Variants in DTNBP1 observed in about 807,000 individuals in gnomAD.
DTNBP1 encodes the protein dysbindin.
A neutral mutation model predicts 42.8 loss-of-function variants in DTNBP1; 35 were observed. The ratio of observed to expected loss-of-function variants is 0.82; its 90% confidence interval spans 0.63 to 1.09. DTNBP1 has a LOEUF of 1.09. Among genes scored for constraint, DTNBP1 ranks in the 50% least tolerant of loss-of-function variants. The pLI is 0.00. For synonymous variants in DTNBP1, 171 were observed against 162.2 expected, an observed-to-expected ratio of 1.05 and a Z score of -0.41; for missense variants, 457 against 424.2, an observed-to-expected ratio of 1.08 and a Z score of -0.68.
At chr6:15,530,003 C>T (rs1408529863) in intron 8 of DTNBP1, among the ~76,000 whole-genome samples, 1 of 152,264 alleles carries the variant, frequency 6.6e-6, no homozygotes, top group Non-Finnish European at 1.5e-5. Flanking sequence ...TCCAAGTGGG[C>T]ACATATGTGC....
At position 15,522,858 on chromosome 6, in the gene DTNBP1, T is replaced by G; in HGVS notation, c.*117A>C. On this transcript the variant is annotated 3_prime_UTR_variant, in exon 10 of 10. Coordinates refer to ENST00000344537, the MANE Select transcript of DTNBP1 (RefSeq NM_032122.5). ...GCTGTTCTTTAAGTTTCTCACACAT[T>G]ATTGGCAATTATGTAAAAATCAAGA... 1.9e-6 allele frequency: 3 copies of G among 1,545,204 alleles called. No individual in the cohort carries two copies. The highest frequency in any genetic ancestry group is 1.1e-5 in the South Asian group (1 of 88,670).
rs148317767 is a variant in DTNBP1 at position 15,592,878 on chromosome 6, A to T, written c.511+181T>A. 3.3e-3 allele frequency among the ~76,000 whole-genome samples: 505 copies of T among 152,348 alleles called. 14 individuals are homozygous for T. Among genetic ancestry groups the T allele is most frequent in the Admixed American group, 0.028 (423 of 15,302 alleles). On this transcript the variant is annotated intron_variant, in intron 7 of 9. Coordinates refer to ENST00000344537, the MANE Select transcript of DTNBP1 (RefSeq NM_032122.5). ...ATTAGCAGGAACTCTCACTTGGTAC[A>T]TGTGCTAAAGAGAATATCAAAACCA...
chr6:15,530,856 G>A (rs770011421), intron 8 of DTNBP1, among the ~76,000 whole-genome samples: 1 of 152,172 alleles, frequency 6.6e-6, no homozygotes, highest in African/African-American at 2.4e-5. Context: ...ACATTGGTGC[G>A]ATGTGTCATT....
chr6:15,531,147 C>T lies in DTNBP1; in HGVS notation c.667+2093G>A, dbSNP rs556794119. On this transcript the variant is annotated intron_variant, in intron 8 of 9. Coordinates refer to ENST00000344537, the MANE Select transcript of DTNBP1 (RefSeq NM_032122.5). ...AAGGAAGAGAGCCCTCATCAGAAAC[C>T]GATCGCGCCAGCATGCTGATCTTGG... Among the ~76,000 whole-genome samples the T allele has an allele frequency of 6.4e-4, 97 of 152,276 alleles. 1 individual carries two copies. Among genetic ancestry groups the T allele is most frequent in the Non-Finnish European group, 1.2e-3 (83 of 68,024 alleles).
intron 4 of DTNBP1, among the ~76,000 whole-genome samples, chr6:15,633,804 C>A (rs1289800023): frequency 2.6e-5 from 4 of 151,734 alleles, no homozygotes; most frequent in South Asian, 2.1e-4. Flanking sequence ...TAAAAAAAAA[C>A]AAACAAAACT....
chr6:15,523,723 ACT>A (rs1334859144), intron 9 of DTNBP1: 6 of 1,286,996 alleles, frequency 4.7e-6, no homozygotes, highest in Admixed American at 2.3e-5. Flanking sequence ...TCTTCCCCTG[ACT>A]CTGGGTGAGG....
intron 5 of DTNBP1, among the ~76,000 whole-genome samples, chr6:15,616,072 T>C (rs1419620054): frequency 6.6e-6 from 1 of 152,192 alleles, no homozygotes; most frequent in Non-Finnish European, 1.5e-5. Flanking sequence ...CTGAGAAGAT[T>C]CAAGACTAAA....
intron 7 of DTNBP1, among the ~76,000 whole-genome samples, chr6:15,565,711 A>C (rs560308512): frequency 5.3e-5 from 8 of 152,376 alleles, no homozygotes; most frequent in Admixed American, 3.3e-4. Flanking sequence ...AACTAGGCAG[A>C]AAGGAATCTT....
chr6:15,524,141 C>T (rs760606455), intron 9 of DTNBP1: 1 of 1,390,058 alleles, frequency 7.2e-7, no homozygotes, highest in Admixed American at 2.1e-5. Context: ...CCCTAAATGC[C>T]TGTCGCACGA....
chr6:15,599,443 C>A (rs1174104301), intron 6 of DTNBP1, among the ~76,000 whole-genome samples: 1 of 152,158 alleles, frequency 6.6e-6, no homozygotes, highest in Non-Finnish European at 1.5e-5. Context: ...TGTGTATCAT[C>A]TTCAGCATCC....
chr6:15,622,376 AT>A (rs1759089173), intron 5 of DTNBP1, among the ~76,000 whole-genome samples: 1 of 152,212 alleles, frequency 6.6e-6, no homozygotes, highest in Non-Finnish European at 1.5e-5. Context: ...ATTGAAAAAA[AT>A]AAAGGTTCAT....
At chr6:15,537,917 A>G (rs1773336123) in intron 7 of DTNBP1, among the ~76,000 whole-genome samples, 1 of 152,232 alleles carries the variant, frequency 6.6e-6, no homozygotes, top group Non-Finnish European at 1.5e-5. Context: ...TACAGAGAAT[A>G]CAAAAAATGA....
At chr6:15,662,793 C>T in intron 1 of DTNBP1, 21 bp downstream of exon 1, 2 of 1,612,164 alleles carry the variant, frequency 1.2e-6, no homozygotes, top group Middle Eastern at 1.7e-4. Context: ...GGTCCCTTTT[C>T]GTCGCCCACC....
rs542016200 is a variant in DTNBP1 at position 15,649,338 on chromosome 6, G to A, written c.161+1975C>T. Among the ~76,000 whole-genome samples, 3 of 152,268 alleles carry A rather than the reference G, an allele frequency of 2.0e-5. No homozygotes were observed. The East Asian group carries it at 5.8e-4, about 29-fold the overall frequency. On this transcript the variant is annotated intron_variant, in intron 3 of 9. Transcript: ENST00000344537. Reference sequence around the variant, plus strand: ...TAGAATATTCAGCTTTTCAAAGAAAGAAAATTCTGACACATGCTGCAACAT... The same window carrying A: ...TAGAATATTCAGCTTTTCAAAGAAAAAAAATTCTGACACATGCTGCAACAT...
intron 6 of DTNBP1, among the ~76,000 whole-genome samples, chr6:15,602,930 A>T (rs990451161): frequency 5.9e-5 from 9 of 152,240 alleles, no homozygotes; most frequent in Non-Finnish European, 1.2e-4. Context: ...TTTATTATTT[A>T]AAAATGGCAA....
chr6:15,547,900 A>G (rs891365950), intron 7 of DTNBP1, among the ~76,000 whole-genome samples: 3 of 152,240 alleles, frequency 2.0e-5, no homozygotes, highest in African/African-American at 7.2e-5. Flanking sequence ...TTTCCCATAA[A>G]CAATATAAAA....
intron 6 of DTNBP1, among the ~76,000 whole-genome samples, chr6:15,596,679 C>A (rs1325166133): frequency 6.6e-6 from 1 of 152,186 alleles, no homozygotes; most frequent in African/African-American, 2.4e-5. Flanking sequence ...CAATTTCATC[C>A]CTAGCTTTAA....
intron 6 of DTNBP1, among the ~76,000 whole-genome samples, chr6:15,606,568 A>G (rs1266434515): frequency 6.6e-6 from 1 of 152,144 alleles, no homozygotes; most frequent in Non-Finnish European, 1.5e-5. Flanking sequence ...GCTGAATGAG[A>G]AAAGCCATAG....
At chr6:15,624,272 G>A (rs184497022) in intron 5 of DTNBP1, among the ~76,000 whole-genome samples, 42 of 152,318 alleles carry the variant, frequency 2.8e-4, no homozygotes, top group African/African-American at 8.7e-4. Context: ...AGTTGGATTG[G>A]GAGCCAAACC....
Sources: gnomAD v4.1 joint callset for allele counts (sites outside exome capture counted in the v4.1 genomes callset) on GRCh38, gnomAD v4.1.1 for gene constraint, MANE v1.5 for transcripts, NCBI Gene and HGNC (gene_info 2026-07-23, HGNC 2026-07-21) for gene names.